Variants in TRPM6 observed in about 807,000 individuals in gnomAD.
The protein encoded by TRPM6 is channel kinase 2.
TRPM6 carries 111 observed loss-of-function variants against 247.6 expected under a neutral mutation model. The ratio of observed to expected loss-of-function variants is 0.45; its 90% CI spans 0.38 to 0.52. The LOEUF is 0.52. Among genes scored for constraint, TRPM6 ranks in the 20% least tolerant of loss-of-function variants. TRPM6 has a pLI of 0.00. For synonymous variants in TRPM6, 892 were observed against 853.8 expected, an observed-to-expected ratio of 1.04 and a Z score of -0.78; for missense variants, 2,126 against 2,421.5, an observed-to-expected ratio of 0.88 and a Z score of 2.56.
rs1241203659 is a variant in TRPM6, at chr9:74,782,449, G to A, written c.3122C>T (p.Pro1041Leu). ...CAAGAATGGAGTAAGAAAAGAACCA[G>A]GAGGGCAGGATGGCTGGCTTGAACA... Reference protein sequence around the residue: ...DVCSSQPSCPPGSFLTPFLQA... With the variant: ...DVCSSQPSCPLGSFLTPFLQA... The change falls in exon 23 of 39, where the codon CCT becomes CTT. Residue 1041 changes from proline (P) to leucine (L), a missense_variant. Physicochemically the swap from Pro to Leu is moderately conservative, Grantham distance 98. This residue lies in a region of TRPM6 where 1,082 missense variants were observed against 1,307.9 expected (regional missense o/e 0.83). Transcript: ENST00000360774. The A allele has an allele frequency of 1.9e-6, 3 of 1,613,940 alleles. No homozygotes were observed. Among genetic ancestry groups the A allele is most frequent in the Non-Finnish European group, 2.5e-6 (3 of 1,179,988 alleles).
chr9:74,885,735 A>G (rs1831510576), intron 1 of TRPM6, among the ~76,000 whole-genome samples: 1 of 152,138 alleles, frequency 6.6e-6, no homozygotes, highest in African/African-American at 2.4e-5. Flanking sequence ...TATAATGAAA[A>G]TCACTCAGAT....
At chr9:74,825,295 C>T (rs1425363767) in intron 7 of TRPM6, among the ~76,000 whole-genome samples, 1 of 151,996 alleles carries the variant, frequency 6.6e-6, no homozygotes, top group East Asian at 1.9e-4. Flanking sequence ...AAATCAACCA[C>T]TAGTTAAGTA....
At chr9:74,812,847 A>G (rs1828785610) in intron 11 of TRPM6, among the ~76,000 whole-genome samples, 1 of 152,210 alleles carries the variant, frequency 6.6e-6, no homozygotes. Flanking sequence ...CCATGAATGC[A>G]TCACTACACT....
At chr9:74,887,683 A>G (rs1205754858) in intron 1 of TRPM6, 141 bp downstream of exon 1, 2 of 1,606,276 alleles carry the variant, frequency 1.2e-6, no homozygotes, top group East Asian at 2.2e-5. Flanking sequence ...GAAAGCCGGT[A>G]TTTCATAAAT....
intron 15 of TRPM6, among the ~76,000 whole-genome samples, chr9:74,802,585 A>T (rs1026755783): frequency 2.0e-5 from 3 of 152,206 alleles, no homozygotes; most frequent in African/African-American, 7.2e-5. Context: ...GACAACTTTT[A>T]GTTTCTCAAG....
At chr9:74,869,547 G>A (rs939079543) in intron 1 of TRPM6, among the ~76,000 whole-genome samples, 5 of 151,958 alleles carry the variant, frequency 3.3e-5, no homozygotes, top group Non-Finnish European at 7.4e-5. Context: ...GGCTGGGAGG[G>A]CTAAATGTCT....
rs547034582 is a variant in TRPM6 at position 74,773,127 on chromosome 9, A to AAACAAC, written c.3404-1298_3404-1293dup. 2.0e-5 allele frequency among the ~76,000 whole-genome samples: 3 copies of AAACAAC among 151,956 alleles called. No individual in the cohort carries two copies. The South Asian group carries it at 6.2e-4, about 32-fold the overall frequency. On this transcript the variant is annotated intron_variant, in intron 24 of 38. Transcript: ENST00000360774. ...GGGCAACAGAGCGAGACTCCATCTCAAACAACAACAACAACAACAACAACA... is the reference window on the plus strand; with the variant it reads ...GGGCAACAGAGCGAGACTCCATCTCAAACAACAACAACAACAACAACAACAACAACA...
intron 1 of TRPM6, among the ~76,000 whole-genome samples, chr9:74,870,818 G>T (rs1830999508): frequency 6.6e-6 from 1 of 152,090 alleles, no homozygotes; most frequent in Non-Finnish European, 1.5e-5. Context: ...CAGCTACTCA[G>T]GAGGCTGAGG....
At chr9:74,801,138 G>A (rs1828317186) in intron 16 of TRPM6, among the ~76,000 whole-genome samples, 1 of 150,764 alleles carries the variant, frequency 6.6e-6, no homozygotes, top group Admixed American at 6.6e-5. Context: ...GGGTCTTGCT[G>A]TGTTGCCCAG....
chr9:74,745,622 A>C (rs1189760761), intron 31 of TRPM6, among the ~76,000 whole-genome samples: 1 of 152,248 alleles, frequency 6.6e-6, no homozygotes, highest in Middle Eastern at 3.4e-3. Context: ...AATATGTATA[A>C]ATGAAGAGTA....
At chr9:74,851,228 C>A (rs1233645809) in intron 3 of TRPM6, among the ~76,000 whole-genome samples, 7 of 152,030 alleles carry the variant, frequency 4.6e-5, no homozygotes, top group African/African-American at 1.5e-4. Context: ...AAGAACATAT[C>A]ACTAACAAGT....
At chr9:74,853,954 C>A (rs1209463698) in intron 3 of TRPM6, among the ~76,000 whole-genome samples, 3 of 152,044 alleles carry the variant, frequency 2.0e-5, no homozygotes, top group Non-Finnish European at 2.9e-5. Context: ...GAAACTTACC[C>A]TATCAGATAT....
intron 3 of TRPM6, among the ~76,000 whole-genome samples, chr9:74,846,858 T>C (rs1830126014): frequency 6.6e-6 from 1 of 152,186 alleles, no homozygotes; most frequent in Non-Finnish European, 1.5e-5. Flanking sequence ...TATTTTACAA[T>C]ATTTTTCTAA....
At chr9:74,813,621 A>G (rs1828816168) in intron 11 of TRPM6, among the ~76,000 whole-genome samples, 1 of 152,220 alleles carries the variant, frequency 6.6e-6, no homozygotes, top group Non-Finnish European at 1.5e-5. Flanking sequence ...GTGAAACTCA[A>G]ACCTATAGGC....
intron 1 of TRPM6, among the ~76,000 whole-genome samples, chr9:74,882,547 A>G (rs1332237259): frequency 6.6e-6 from 1 of 152,208 alleles, no homozygotes; most frequent in Non-Finnish European, 1.5e-5. Flanking sequence ...ATGCAAATCA[A>G]AACCACAATG....
intron 9 of TRPM6, among the ~76,000 whole-genome samples, chr9:74,819,186 G>A (rs771915922): frequency 6.6e-6 from 1 of 151,976 alleles, no homozygotes; most frequent in African/African-American, 2.4e-5. Context: ...GCATGCACCT[G>A]TAGTCCAAGC....
intron 17 of TRPM6, chr9:74,799,934 T>C (rs1163471582): frequency 7.7e-6 from 3 of 387,100 alleles, no homozygotes; most frequent in Non-Finnish European, 1.5e-5. Flanking sequence ...TGTCACCCCA[T>C]TGATCGCCAG....
chr9:74,752,370 T>G lies in TRPM6; in HGVS notation c.4907-2A>C. The G allele has an allele frequency of 6.7e-7, 1 of 1,503,424 alleles. No homozygotes were observed. The highest frequency in any genetic ancestry group is 9.2e-7 in the Non-Finnish European group (1 of 1,087,614). The allele number at this position is 1,503,424 out of a possible 1,614,324, so 93.1% of individuals were successfully genotyped here. On this transcript the variant is annotated splice_acceptor_variant, in intron 28 of 38. Coordinates refer to ENST00000360774, the MANE Select transcript of TRPM6 (RefSeq NM_017662.5). LOFTEE classifies it high-confidence loss of function. ...TCTGATGTATGTAAGGTTCTACACC[T>G]TGTAAAGAGGAAGAGAAAGATTAGA...
chr9:74,725,648 C>T (rs1303756074), intron 38 of TRPM6, among the ~76,000 whole-genome samples: 1 of 152,108 alleles, frequency 6.6e-6, no homozygotes, highest in African/African-American at 2.4e-5. Context: ...CGAGAGTTTC[C>T]CTACACAAGC....
Sources: gnomAD v4.1 joint callset for allele counts (sites outside exome capture counted in the v4.1 genomes callset) on GRCh38, gnomAD v4.1.1 for gene constraint, gnomAD v4.1.1 regional missense constraint, MANE v1.5 for transcripts, NCBI Gene and HGNC (gene_info 2026-07-23, HGNC 2026-07-21) for gene names.